Variants in WRNIP1 observed in about 807,000 individuals in gnomAD.
The protein encoded by WRNIP1 is ATPase WRNIP1.
WRNIP1 carries 41 observed loss-of-function variants against 56.1 expected under a neutral mutation model. That is an observed-to-expected ratio of 0.73 (90% CI 0.57 to 0.95). The LOEUF (loss-of-function observed/expected upper bound fraction) is 0.95, where lower values mean the gene tolerates loss of function less well. Among genes scored for constraint, WRNIP1 ranks in the 40% least tolerant of loss-of-function variants. The pLI, the probability that WRNIP1 is intolerant of heterozygous loss-of-function variation, is 0.00. For synonymous variants in WRNIP1, 547 were observed against 398.1 expected, an observed-to-expected ratio of 1.37 and a Z score of -4.45; for missense variants, 1,170 against 939.4, an observed-to-expected ratio of 1.25 and a Z score of -3.21.
intron 2 of WRNIP1, 147 bp from the exon 3 acceptor site, chr6:2,769,973 T>C: frequency 1.7e-6 from 2 of 1,165,142 alleles, no homozygotes; most frequent in Non-Finnish European, 2.4e-6. Context: ...ATATTGCATC[T>C]ATATTCAGTG....
chr6:2,769,834 A>G (rs2113457460), intron 2 of WRNIP1, among the ~76,000 whole-genome samples: 1 of 152,348 alleles, frequency 6.6e-6, no homozygotes. Flanking sequence ...CTGAGTAAAG[A>G]AATCATTTAT....
chr6:2,775,428 C>T (rs1187695234), intron 3 of WRNIP1, among the ~76,000 whole-genome samples: 2 of 152,228 alleles, frequency 1.3e-5, no homozygotes, highest in African/African-American at 4.8e-5. Context: ...AACTTCTACA[C>T]AGCAGTTATC....
intron 3 of WRNIP1, among the ~76,000 whole-genome samples, chr6:2,776,349 A>G (rs1485827723): frequency 2.0e-5 from 3 of 152,188 alleles, no homozygotes; most frequent in Admixed American, 1.3e-4. Flanking sequence ...CAGGTCCTGT[A>G]TTACTTGGAC....
intron 3 of WRNIP1, chr6:2,773,905 C>G (rs2113468461): frequency 1.0e-6 from 1 of 985,332 alleles, no homozygotes; most frequent in Non-Finnish European, 1.2e-6. Flanking sequence ...AAAGTGGCGT[C>G]TGTCCCTGGG....
chr6:2,783,633 G>GAT, intron 5 of WRNIP1, 72 bp downstream of exon 5: 1 of 92,100 alleles, frequency 1.1e-5, no homozygotes, highest in Non-Finnish European at 1.2e-5. Flanking sequence ...TTACATCGTG[G>GAT]CTTTTTTTTT....
At chr6:2,773,262 T>A (rs767707269) in intron 3 of WRNIP1, 3 of 985,398 alleles carry the variant, frequency 3.0e-6, no homozygotes, top group Non-Finnish European at 3.6e-6. Flanking sequence ...TGGCTGAGGG[T>A]TGAAAAGCTT....
chr6:2,782,185 C>G (rs886723950), intron 4 of WRNIP1, among the ~76,000 whole-genome samples: 2 of 152,236 alleles, frequency 1.3e-5, no homozygotes, highest in African/African-American at 4.8e-5. Context: ...CCTGGGCCAG[C>G]AGGGTGAGGG....
chr6:2,767,815 A>G (rs375554803), intron 1 of WRNIP1, among the ~76,000 whole-genome samples: 6 of 152,162 alleles, frequency 3.9e-5, no homozygotes, highest in East Asian at 3.8e-4. Context: ...GCTCAGTGAG[A>G]TGGGCGTTGG....
chr6:2,765,742 G>C lies in WRNIP1; in HGVS notation c.120G>C (p.Leu40=). 2 of 1,514,392 alleles carry C rather than the reference G, an allele frequency of 1.3e-6. No homozygotes were observed. The highest frequency in any genetic ancestry group is 2.4e-5 in the South Asian group (2 of 82,980). 93.8% of individuals were successfully genotyped at this position (1,514,392 alleles called of 1,614,324 possible). ...AHINSHLDRC[L]LLHPAGHAEP... The stretch of plus-strand genomic sequence containing the variant: ...TCAACTCGCACCTGGACCGCTGTCT[G>C]CTGCTCCACCCGGCGGGGCACGCGG... Residue 40 remains leucine (L), a synonymous_variant, in exon 1 of 7, where the codon CTG becomes CTC. Coordinates refer to ENST00000380773, the MANE Select transcript of WRNIP1 (RefSeq NM_020135.3).
chr6:2,765,564 C>T lies in WRNIP1; in HGVS notation c.-59C>T, dbSNP rs1764901976. 1.4e-6 allele frequency: 2 copies of T among 1,398,590 alleles called. No individual in the cohort carries two copies. The highest frequency in any genetic ancestry group is 1.8e-6 in the Non-Finnish European group (2 of 1,082,794). 86.6% of individuals were successfully genotyped at this position (1,398,590 alleles called of 1,614,324 possible). On this transcript the variant is annotated 5_prime_UTR_variant, in exon 1 of 7. Coordinates refer to ENST00000380773, the MANE Select transcript of WRNIP1 (RefSeq NM_020135.3). ...GGGCCTAGCGGAGGGCATCGAAGGC[C>T]TCCGCGTGCGCACGGGTTGCTGCGG...
intron 4 of WRNIP1, among the ~76,000 whole-genome samples, chr6:2,781,861 C>T (rs1293830057): frequency 6.6e-6 from 1 of 152,172 alleles, no homozygotes; most frequent in African/African-American, 2.4e-5. Flanking sequence ...CTCGTTTTTC[C>T]CATTTTACAG....
At chr6:2,782,092 C>T (rs368010983) in intron 4 of WRNIP1, among the ~76,000 whole-genome samples, 8 of 152,204 alleles carry the variant, frequency 5.3e-5, no homozygotes, top group South Asian at 4.1e-4. Context: ...CCCCCATGCC[C>T]GTGAGTTTAG....
At position 2,770,289 on chromosome 6, in the gene WRNIP1, C is replaced by T. The variant is rs1331754320; in HGVS notation, c.1184C>T (p.Ser395Phe). ...ACTATTTTAATGCGAGCGATCAACT[C>T]CCTGGGAATCCACGTCCTAGACTCT... ...MVTILMRAIN[S>F]LGIHVLDSSR... Residue 395 changes from serine (S) to phenylalanine (F), a missense_variant, in exon 3 of 7, where the codon TCC (serine) becomes TTC (phenylalanine). Ser to Phe is a radical substitution (Grantham distance 155). Coordinates refer to ENST00000380773, the MANE Select transcript of WRNIP1 (RefSeq NM_020135.3). 2 of 1,614,174 alleles carry T rather than the reference C, an allele frequency of 1.2e-6. No homozygotes were observed. Among genetic ancestry groups the T allele is most frequent in the Non-Finnish European group, 1.7e-6 (2 of 1,180,042 alleles).
At chr6:2,770,050 C>CA (rs1347196491) in intron 2 of WRNIP1, 70 bp from the exon 3 acceptor site, 1 of 1,594,126 alleles carries the variant, frequency 6.3e-7, no homozygotes, top group Non-Finnish European at 8.6e-7. Context: ...AAGGGATAGC[C>CA]AACTTACATA....
At chr6:2,780,287 G>A (rs1339237354) in intron 4 of WRNIP1, among the ~76,000 whole-genome samples, 1 of 152,228 alleles carries the variant, frequency 6.6e-6, no homozygotes, top group Non-Finnish European at 1.5e-5. Context: ...ATAATTGAAT[G>A]TTCCTGATCT....
At chr6:2,782,694 T>C (rs79776950) in intron 4 of WRNIP1, among the ~76,000 whole-genome samples, 1,677 of 152,368 alleles carry the variant, frequency 0.011, 24 homozygotes, top group Non-Finnish European at 0.014. Flanking sequence ...TGTTTAGCTG[T>C]CATTTTTTTG....
intron 3 of WRNIP1, chr6:2,774,019 T>C: frequency 1.0e-6 from 1 of 985,378 alleles, no homozygotes; most frequent in African/African-American, 1.7e-5. Context: ...GATTCTTCTT[T>C]TTATAAAAGT....
rs753052350 is a variant in WRNIP1, at chr6:2,770,359, A to G, written c.1254A>G (p.Ser418=). 3 of 1,614,108 alleles carry G rather than the reference A, an allele frequency of 1.9e-6. No individual in the cohort carries two copies. Among genetic ancestry groups the G allele is most frequent in the Admixed American group, 1.7e-5 (1 of 60,018 alleles). Residue 418 remains serine, a splice_region_variant and synonymous_variant, in exon 3 of 7, where the codon TCA becomes TCG. Coordinates refer to ENST00000380773, the MANE Select transcript of WRNIP1 (RefSeq NM_020135.3). ...DPLSHSSNSS[S]EPAMFIEDKA... ...TGAGCCACAGCAGCAACAGCAGCTC[A>G]GAGTAAGTTGACAGTGTGCAGCGTC...
At position 2,765,814 on chromosome 6, in the gene WRNIP1, C is replaced by T. The variant is rs1356456527; in HGVS notation, c.192C>T (p.Pro64=). Residue 64 remains proline, a synonymous_variant, in exon 1 of 7, where the codon CCC becomes CCT. Transcript: ENST00000380773. ...GCGCCGGGGAGCGGGCCAAGGGGCC[C>T]TCGCCGCCCGGCGCCAAGAGGCGGC... ...SHRAGERAKG[P]SPPGAKRRRL... 5.2e-6 allele frequency: 7 copies of T among 1,355,712 alleles called. No homozygotes were observed. The highest frequency in any genetic ancestry group is 2.7e-4 in the Middle Eastern group (1 of 3,714). 84.0% of individuals were successfully genotyped at this position (1,355,712 alleles called of 1,614,324 possible). A position where few individuals can be genotyped will look rare whatever the true frequency, so the allele number is the denominator to read the frequency against.
Sources: gnomAD v4.1 joint callset for allele counts (sites outside exome capture counted in the v4.1 genomes callset) on GRCh38, gnomAD v4.1.1 for gene constraint, MANE v1.5 for transcripts, NCBI Gene and HGNC (gene_info 2026-07-23, HGNC 2026-07-21) for gene names.